The following CNTFR variants were observed in gnomAD, a reference collection of about 807,000 sequenced individuals.
The protein encoded by CNTFR is ciliary neurotrophic factor receptor subunit alpha.
CNTFR carries 12 observed loss-of-function variants against 40.4 expected under a neutral mutation model. That is an observed-to-expected ratio of 0.30 (90% CI 0.19 to 0.48). The LOEUF (loss-of-function observed/expected upper bound fraction) is 0.48. CNTFR is among the 20% of genes least tolerant of loss of function. The pLI is 0.99. For missense variants in CNTFR, 414 were observed against 506.8 expected (o/e 0.82, Z 1.76); for synonymous variants, 202 against 209.6 (o/e 0.96, Z 0.31).
Position 34,557,196 on chromosome 9 carries a change from G to GA in CNTFR, c.604+329_604+330insT, listed in dbSNP as rs1245550103. Among the ~76,000 whole-genome samples the GA allele has an allele frequency of 6.6e-6, 1 of 151,578 alleles. No individual in the cohort carries two copies. The highest frequency in any genetic ancestry group is 1.9e-4 in the East Asian group (1 of 5,168). On this transcript the variant is annotated intron_variant, in intron 6 of 9. Coordinates refer to ENST00000378980, the MANE Select transcript of CNTFR (RefSeq NM_147164.3). The surrounding 1 kb of genome is among the most constrained non-coding windows in gnomAD (Gnocchi z 4.2). Reference sequence around the variant, plus strand: ...CCGTAAGGAAGCCATTAGAGTTGGGGGGGGGTGCGGTGGAGGCTGCAGCTG... The same window carrying GA: ...CCGTAAGGAAGCCATTAGAGTTGGGGAGGGGGTGCGGTGGAGGCTGCAGCTG...
chr9:34,568,311 T>C (rs1040274585), intron 3 of CNTFR, among the ~76,000 whole-genome samples: 10 of 151,980 alleles, frequency 6.6e-5, no homozygotes, highest in South Asian at 2.1e-4. Flanking sequence ...ACTGGAGAAA[T>C]AGGTAAAGGG....
chr9:34,587,385 G>A (rs1827590695), intron 1 of CNTFR, among the ~76,000 whole-genome samples: 1 of 152,138 alleles, frequency 6.6e-6, no homozygotes. Flanking sequence ...ATCCTACTGT[G>A]AGTCTGAGTG....
chr9:34,563,090 C>T (rs900826543), intron 4 of CNTFR, among the ~76,000 whole-genome samples: 4 of 152,124 alleles, frequency 2.6e-5, no homozygotes, highest in Admixed American at 2.6e-4. Flanking sequence ...CCAGCAGAGG[C>T]CTCTCCCCGA....
At chr9:34,574,766 A>G (rs1826869812) in intron 2 of CNTFR, among the ~76,000 whole-genome samples, 1 of 140,144 alleles carries the variant, frequency 7.1e-6, no homozygotes, top group African/African-American at 2.5e-5. Flanking sequence ...GCCTGGACTC[A>G]GTGCTCAAAA....
chr9:34,571,695 G>A (rs530281430), intron 2 of CNTFR, among the ~76,000 whole-genome samples: 21 of 152,244 alleles, frequency 1.4e-4, no homozygotes, highest in Admixed American at 2.6e-4. Flanking sequence ...CTGCAGCCAC[G>A]GGAGACGGGT....
chr9:34,567,046 T>C (rs1267969235), intron 3 of CNTFR, among the ~76,000 whole-genome samples: 1 of 152,070 alleles, frequency 6.6e-6, no homozygotes, highest in Non-Finnish European at 1.5e-5. Flanking sequence ...ACAATGGCAA[T>C]ACACGCAGCC....
chr9:34,587,508 AC>A (rs750909011), intron 1 of CNTFR, among the ~76,000 whole-genome samples: 3 of 152,122 alleles, frequency 2.0e-5, no homozygotes, highest in Non-Finnish European at 2.9e-5. Context: ...TGGAGGTCTA[AC>A]CCCCAAAGTT....
chr9:34,577,380 G>A (rs1319179593), intron 2 of CNTFR, among the ~76,000 whole-genome samples: 3 of 152,182 alleles, frequency 2.0e-5, no homozygotes, highest in East Asian at 1.9e-4. Context: ...TAGGGACTTC[G>A]GGGAAGGGGG....
In CNTFR at chr9:34,551,664, A is replaced by C. The variant is rs553537662; in HGVS notation, c.*407T>G. ...GGGAGGGGGATGGCTGGGCCCCCCC[A>C]GCATCAGGAGCTTATAATCTGATGG... On this transcript the variant is annotated 3_prime_UTR_variant, in exon 10 of 10. Transcript: ENST00000378980. The C allele has an allele frequency of 4.6e-4, 156 of 338,638 alleles. 1 individual carries two copies. The highest frequency in any genetic ancestry group is 2.9e-3 in the Middle Eastern group (3 of 1,026). The allele number at this position is 338,638 out of a possible 1,614,324, so 21.0% of individuals were successfully genotyped here.
intron 4 of CNTFR, among the ~76,000 whole-genome samples, chr9:34,559,099 C>T (rs895920186): frequency 2.6e-5 from 4 of 152,186 alleles, no homozygotes; most frequent in South Asian, 2.1e-4. Flanking sequence ...CCCCCTCCCC[C>T]GCCCCCGGCC....
intron 1 of CNTFR, among the ~76,000 whole-genome samples, chr9:34,587,627 C>T (rs896854772): frequency 6.6e-6 from 1 of 152,160 alleles, no homozygotes; most frequent in African/African-American, 2.4e-5. Context: ...GTGAATCTGA[C>T]TATGAACCCC....
chr9:34,560,923 C>T (rs889779589), intron 4 of CNTFR, among the ~76,000 whole-genome samples: 3 of 152,246 alleles, frequency 2.0e-5, no homozygotes, highest in Admixed American at 6.5e-5. Flanking sequence ...CCTCTCATCT[C>T]GCCAGCCTGC....
chr9:34,586,001 C>T (rs1223952791), intron 1 of CNTFR, among the ~76,000 whole-genome samples: 1 of 152,232 alleles, frequency 6.6e-6, no homozygotes, highest in Non-Finnish European at 1.5e-5. Flanking sequence ...CGTGTGTCCC[C>T]TTCAGGACGG....
chr9:34,552,454 C>G lies in CNTFR; in HGVS notation c.950-125G>C. On this transcript the variant is annotated intron_variant, in intron 8 of 9. Transcript: ENST00000378980. The surrounding 1 kb of genome is among the most constrained non-coding windows in gnomAD (Gnocchi z 5.1). ...GTACTGCCTCCCCCATCAGGCAGAT[C>G]CTGTTTCCCAAGGCTCACAGATAAC... The G allele has an allele frequency of 8.7e-7, 1 of 1,150,994 alleles. No individual in the cohort carries two copies. The allele number at this position is 1,150,994 out of a possible 1,614,324, so 71.3% of individuals were successfully genotyped here. A position where few individuals can be genotyped will look rare whatever the true frequency, so the allele number is the denominator to read the frequency against.
chr9:34,553,080 A>G (rs1355830765), intron 7 of CNTFR, among the ~76,000 whole-genome samples: 1 of 152,142 alleles, frequency 6.6e-6, no homozygotes, highest in South Asian at 2.1e-4. Context: ...GAAGGAGAGT[A>G]ATGACATCTT....
intron 2 of CNTFR, among the ~76,000 whole-genome samples, chr9:34,577,573 G>A (rs888888971): frequency 9.6e-6 from 1 of 103,850 alleles, no homozygotes; most frequent in Non-Finnish European, 2.2e-5. Flanking sequence ...CCCACAGGAT[G>A]TGAGAAAAGA....
chr9:34,562,350 G>A (rs373697604), intron 4 of CNTFR, among the ~76,000 whole-genome samples: 2 of 152,286 alleles, frequency 1.3e-5, no homozygotes, highest in Admixed American at 6.5e-5. Context: ...GCCAACAGGG[G>A]TCACTCCACC....
intron 2 of CNTFR, among the ~76,000 whole-genome samples, chr9:34,578,198 G>A (rs976417540): frequency 6.6e-6 from 1 of 152,180 alleles, no homozygotes; most frequent in East Asian, 1.9e-4. Context: ...GGTGAGCGAC[G>A]AGGGCCGAGC....
chr9:34,553,054 G>T (rs1825702122), intron 7 of CNTFR, among the ~76,000 whole-genome samples, 200 bp from the exon 8 acceptor site: 1 of 152,172 alleles, frequency 6.6e-6, no homozygotes, highest in African/African-American at 2.4e-5. Context: ...GACTCCACAG[G>T]AGGGGAGTTG....
Sources: gnomAD v4.1 joint callset for allele counts (sites outside exome capture counted in the v4.1 genomes callset) on GRCh38, gnomAD v4.1.1 for gene constraint, Gnocchi (gnomAD v3.1) non-coding constraint, MANE v1.5 for transcripts, NCBI Gene and HGNC (gene_info 2026-07-23, HGNC 2026-07-21) for gene names.